SF3B1: variants seen among roughly 807,000 people sequenced by gnomAD.
SF3B1 encodes the protein pre-mRNA processing 10.
A neutral mutation model predicts 153.8 loss-of-function variants in SF3B1; 12 were observed. The ratio of observed to expected loss-of-function variants is 0.08; its 90% CI spans 0.05 to 0.13. The LOEUF (loss-of-function observed/expected upper bound fraction) is 0.13. Ranked by LOEUF, SF3B1 falls within the 10% of genes least tolerant of loss-of-function variation. The pLI is 1.00. For missense variants in SF3B1, 513 were observed against 1,606.1 expected (o/e 0.32, Z 11.63); for synonymous variants, 498 against 525.2 (o/e 0.95, Z 0.71).
At chr2:197,429,157 G>A (rs560296840) in intron 1 of SF3B1, among the ~76,000 whole-genome samples, 14 of 152,136 alleles carry the variant, frequency 9.2e-5, no homozygotes, top group Admixed American at 2.0e-4. Context: ...TCCCAGTTTG[G>A]ACTCATAGTT....
chr2:197,411,167 T>C (rs2085061839), intron 6 of SF3B1, among the ~76,000 whole-genome samples: 1 of 152,118 alleles, frequency 6.6e-6, no homozygotes, highest in Non-Finnish European at 1.5e-5. Context: ...AGAGGTGGGT[T>C]TAAGTAACAT....
chr2:197,411,879 T>C (rs1032725327), intron 6 of SF3B1, among the ~76,000 whole-genome samples: 1 of 152,022 alleles, frequency 6.6e-6, no homozygotes, highest in Non-Finnish European at 1.5e-5. Context: ...GGCAGATCAA[T>C]TGAGGCCAGG....
chr2:197,418,614 A>G, intron 4 of SF3B1, 26 bp from the exon 5 acceptor site: 1 of 1,600,844 alleles, frequency 6.2e-7, no homozygotes, highest in Non-Finnish European at 8.5e-7. Flanking sequence ...GCAACAGGAA[A>G]AAGAGTACAA....
At chr2:197,410,093 A>T (rs2085045784) in intron 6 of SF3B1, 86 bp from the exon 7 acceptor site, 2 of 921,492 alleles carry the variant, frequency 2.2e-6, no homozygotes, top group Admixed American at 5.0e-5. Context: ...TTAAACGAAA[A>T]ATGTTTTAGT....
chr2:197,431,997 C>A (rs554104066), intron 1 of SF3B1, among the ~76,000 whole-genome samples: 1 of 152,052 alleles, frequency 6.6e-6, no homozygotes, highest in African/African-American at 2.4e-5. Context: ...TGGTAGCACA[C>A]GCCTGTAGTT....
At position 197,395,470 on chromosome 2, in the gene SF3B1, C is replaced by T. The variant is rs1326362296; in HGVS notation, c.3539+586G>A. ...AGTGAAACAGTTCTTTCCCTTACTACGCTTGCACTTTCCTTTGCACTTTCT... is the reference window on the plus strand; with the variant it reads ...AGTGAAACAGTTCTTTCCCTTACTATGCTTGCACTTTCCTTTGCACTTTCT... On this transcript the variant is annotated intron_variant, in intron 23 of 24. Coordinates refer to ENST00000335508, the MANE Select transcript of SF3B1 (RefSeq NM_012433.4). Among the ~76,000 whole-genome samples, 4 of 152,226 alleles carry T rather than the reference C, an allele frequency of 2.6e-5. No individual in the cohort carries two copies. In the South Asian group the frequency reaches 6.2e-4, roughly 24 times the overall value.
chr2:197,398,731 A>G (rs2084903877), intron 20 of SF3B1, 150 bp from the exon 21 acceptor site: 2 of 714,694 alleles, frequency 2.8e-6, no homozygotes, highest in South Asian at 3.9e-5. Context: ...GACCAGACTC[A>G]GAATCGTTTT....
chr2:197,425,351 A>G (rs2085317044), intron 1 of SF3B1, among the ~76,000 whole-genome samples: 1 of 152,172 alleles, frequency 6.6e-6, no homozygotes, highest in Non-Finnish European at 1.5e-5. Flanking sequence ...CTGTAATCCC[A>G]GCTACTCGGG....
At chr2:197,411,434 G>A (rs2085065926) in intron 6 of SF3B1, among the ~76,000 whole-genome samples, 1 of 152,012 alleles carries the variant, frequency 6.6e-6, no homozygotes, top group African/African-American at 2.4e-5. Flanking sequence ...AGCACTTTGA[G>A]AGGCCGAGGC....
At chr2:197,405,239 C>T in intron 10 of SF3B1, 36 bp downstream of exon 10, 1 of 1,595,280 alleles carries the variant, frequency 6.3e-7, no homozygotes, top group Non-Finnish European at 8.6e-7. Context: ...AATTCTGGAA[C>T]ACAATTAATA....
chr2:197,402,949 C>T lies in SF3B1; in HGVS notation c.1806G>A (p.Lys602=), dbSNP rs2084950545. The part of the protein sequence containing the change: ...EGREIISNLA[K]AAGLATMIST... Reference sequence around the variant, plus strand: ...TTCTCTAGAAATTAAATGTAAATACCTTTGCCAAATTAGAAATGATCTCTC... The same window carrying T: ...TTCTCTAGAAATTAAATGTAAATACTTTTGCCAAATTAGAAATGATCTCTC... Residue 602 remains lysine (K), a splice_region_variant and synonymous_variant, in exon 13 of 25, where the codon AAG becomes AAA. Transcript: ENST00000335508. The surrounding 1 kb of genome is among the most constrained non-coding windows in gnomAD (Gnocchi z 4.6). The T allele has an allele frequency of 6.2e-7, 1 of 1,612,836 alleles. No homozygotes were observed. The highest frequency in any genetic ancestry group is 8.5e-7 in the Non-Finnish European group (1 of 1,179,078).
intron 2 of SF3B1, among the ~76,000 whole-genome samples, chr2:197,422,528 G>T (rs1357831341): frequency 1.3e-5 from 2 of 151,804 alleles, no homozygotes; most frequent in African/African-American, 4.8e-5. Context: ...TTGTGCACAT[G>T]GACCCTAGAA....
chr2:197,405,348 C>T lies in SF3B1; in HGVS notation c.1364G>A (p.Ser455Asn). The change falls in exon 10 of 25, where the codon AGT becomes AAT. Residue 455 changes from serine (S) to asparagine (N), a missense_variant. By Grantham distance (46) the Ser-to-Asn change is conservative. Around this residue, in one of 21 missense-constraint regions of SF3B1, gnomAD observed 17 missense variants for 21.0 expected, o/e 0.81. Transcript: ENST00000335508. ...ATTTCCAGATGGCTGGTCATTAACACTTTTCATAGTTCGATCTTCAGTTTG... is the reference window on the plus strand; with the variant it reads ...ATTTCCAGATGGCTGGTCATTAACATTTTTCATAGTTCGATCTTCAGTTTG... ...HMQTEDRTMK[S>N]VNDQPSGNLP... The T allele has an allele frequency of 1.9e-6, 3 of 1,614,062 alleles. No homozygotes were observed. The highest frequency in any genetic ancestry group is 2.5e-6 in the Non-Finnish European group (3 of 1,179,980).
chr2:197,422,471 G>C (rs1392478302), intron 2 of SF3B1, among the ~76,000 whole-genome samples: 2 of 151,732 alleles, frequency 1.3e-5, no homozygotes, highest in Non-Finnish European at 1.5e-5. Flanking sequence ...CAAGTTAATG[G>C]GTGCAGCACA....
At position 197,401,359 on chromosome 2, in the gene SF3B1, G is replaced by A. The variant is rs1337047400; in HGVS notation, c.2496+41C>T. On this transcript the variant is annotated intron_variant, in intron 17 of 24. Coordinates refer to ENST00000335508, the MANE Select transcript of SF3B1 (RefSeq NM_012433.4). The surrounding 1 kb of genome is among the most constrained non-coding windows in gnomAD (Gnocchi z 4.2). ...ATTCAAGTTGACTAAAGAATGAGTT[G>A]AAAGGACTTTTGAGAATATTCTTTT... 1 of 1,558,320 alleles carries A rather than the reference G, an allele frequency of 6.4e-7. No individual in the cohort carries two copies. Among genetic ancestry groups the A allele is most frequent in the Admixed American group, 2.2e-5 (1 of 45,560 alleles).
intron 1 of SF3B1, among the ~76,000 whole-genome samples, chr2:197,427,694 C>A (rs1005716900): frequency 2.0e-5 from 3 of 152,120 alleles, no homozygotes; most frequent in Admixed American, 1.3e-4. Flanking sequence ...TATATTTTGT[C>A]CTATTCTCTT....
intron 1 of SF3B1, among the ~76,000 whole-genome samples, chr2:197,426,045 C>A (rs1178169609): frequency 1.3e-5 from 2 of 151,520 alleles, no homozygotes; most frequent in Non-Finnish European, 2.9e-5. Flanking sequence ...AGTTTTAATG[C>A]TGAGTTTAGC....
Position 197,400,539 on chromosome 2 carries a change from G to T in SF3B1, c.2719-105C>A. 1.8e-6 allele frequency: 2 copies of T among 1,116,172 alleles called. No individual in the cohort carries two copies. The highest frequency in any genetic ancestry group is 2.5e-6 in the Non-Finnish European group (2 of 787,136). The allele number at this position is 1,116,172 out of a possible 1,614,324, so 69.1% of individuals were successfully genotyped here. On this transcript the variant is annotated intron_variant, in intron 18 of 24. Coordinates refer to ENST00000335508, the MANE Select transcript of SF3B1 (RefSeq NM_012433.4). The surrounding 1 kb of genome is among the most constrained non-coding windows in gnomAD (Gnocchi z 5.0). The stretch of plus-strand genomic sequence containing the variant: ...TCTAACCACCCAAACATCTGTTGCT[G>T]TTTTTTTACATCAAATCTTAAAACT...
chr2:197,415,980 A>G (rs1042021140), intron 6 of SF3B1, among the ~76,000 whole-genome samples: 5 of 142,706 alleles, frequency 3.5e-5, no homozygotes, highest in South Asian at 2.2e-4. Flanking sequence ...ATGCCCAGCT[A>G]ATTTTTTTTT....
Sources: allele counts gnomAD v4.1 joint callset (sites outside exome capture counted in the v4.1 genomes callset), GRCh38; gene constraint gnomAD v4.1.1; regional missense constraint gnomAD v4.1.1; non-coding constraint Gnocchi (gnomAD v3.1); transcripts MANE v1.5; gene names NCBI Gene and HGNC (gene_info 2026-07-23, HGNC 2026-07-21).